The following ASMTL variants were observed in gnomAD, a reference collection of about 807,000 sequenced individuals.
ASMTL encodes probable bifunctional dTTP/UTP pyrophosphatase/methyltransferase protein.
A neutral mutation model predicts 60.3 loss-of-function variants in ASMTL; 57 were observed. The ratio of observed to expected loss-of-function variants is 0.95; its 90% CI spans 0.76 to 1.18. ASMTL has a LOEUF of 1.18. Ranked by LOEUF, ASMTL falls within the 50% of genes most tolerant of loss-of-function variation. The pLI is 0.00. For missense variants in ASMTL, 981 were observed against 852.6 expected (o/e 1.15, Z -1.88); for synonymous variants, 419 against 373.0 (o/e 1.12, Z -1.42).
At chrX:1,444,350 A>C (rs1398558876) in intron 1 of ASMTL, among the ~76,000 whole-genome samples, 3 of 151,608 alleles carry the variant, frequency 2.0e-5, no homozygotes, top group Non-Finnish European at 4.4e-5. Context: ...CTGGGATTGC[A>C]GGTGGGCGCC....
chrX:1,407,580 A>G (rs1326236069), intron 12 of ASMTL, among the ~76,000 whole-genome samples: 1 of 152,078 alleles, frequency 6.6e-6, no homozygotes, highest in East Asian at 1.9e-4. Context: ...GACAGATGAC[A>G]GGTGACGGAG....
chrX:1,436,892 C>T (rs1330685914), intron 3 of ASMTL, among the ~76,000 whole-genome samples: 1 of 152,210 alleles, frequency 6.6e-6, no homozygotes, highest in African/African-American at 2.4e-5. Flanking sequence ...GTCCTACAAC[C>T]CAGGTGGCTT....
chrX:1,447,184 A>G (rs2091245491), intron 1 of ASMTL, among the ~76,000 whole-genome samples: 1 of 152,216 alleles, frequency 6.6e-6, no homozygotes, highest in South Asian at 2.1e-4. Context: ...CACCTCCCTC[A>G]GCAGGAAGTG....
chrX:1,403,768 T>C (rs1170206077), intron 12 of ASMTL, among the ~76,000 whole-genome samples: 1 of 151,720 alleles, frequency 6.6e-6, no homozygotes, highest in African/African-American at 2.4e-5. Context: ...GATGAACAGA[T>C]GGTAGATGAT....
At chrX:1,426,344 T>G (rs2090610083) in intron 7 of ASMTL, among the ~76,000 whole-genome samples, 1 of 152,130 alleles carries the variant, frequency 6.6e-6, no homozygotes, top group South Asian at 2.1e-4. Context: ...TAACCACCTT[T>G]ATTCCTTATT....
intron 1 of ASMTL, among the ~76,000 whole-genome samples, chrX:1,444,401 G>T (rs1471987548): frequency 1.3e-4 from 20 of 151,866 alleles, no homozygotes; most frequent in Non-Finnish European, 1.5e-5. Context: ...TAGAGATGGG[G>T]TTTCACCATG....
In ASMTL at chrX:1,435,052, C is replaced by G. The variant is rs753048371; in HGVS notation, c.370G>C (p.Gly124Arg). 3.1e-6 allele frequency: 5 copies of G among 1,613,928 alleles called. No homozygotes were observed. The Admixed American group carries it at 6.7e-5, about 22-fold the overall frequency. Residue 124 changes from glycine to arginine, a missense_variant, in exon 5 of 13, where the codon GGT (glycine) becomes CGT (arginine). Transcript: ENST00000381317. ...LSGREHSVFTGVAIVHCSSKD... is the reference protein window; with the variant it reads ...LSGREHSVFTRVAIVHCSSKD... The stretch of plus-strand genomic sequence containing the variant: ...CTGGAGCAGTGGACGATCGCGACAC[C>G]TGTGAACACGCTGTGTTCTCTCCCA...
chrX:1,452,811 C>T lies in ASMTL; in HGVS notation c.30G>A (p.Leu10=). 6.3e-7 allele frequency: 1 copy of T among 1,595,866 alleles called. No homozygotes were observed. The highest frequency in any genetic ancestry group is 8.5e-7 in the Non-Finnish European group (1 of 1,177,346). ...TGGCCAGCACCACGCGCTTGTGCAG[C>T]AGCTTCCCAATCACCGGGCACAGCA... is the stretch of plus-strand genomic sequence containing the variant. MVLCPVIGK[L]LHKRVVLASA... Residue 10 remains leucine, a synonymous_variant, in exon 1 of 13, where the codon CTG becomes CTA. Transcript: ENST00000381317.
intron 5 of ASMTL, 120 bp downstream of exon 5, chrX:1,434,902 C>T (rs1240396898): frequency 1.3e-5 from 14 of 1,057,288 alleles, no homozygotes; most frequent in Non-Finnish European, 2.0e-5. Flanking sequence ...GACATAGGCA[C>T]AAACCCCTCC....
chrX:1,425,479 T>G lies in ASMTL; in HGVS notation c.1060+46A>C, dbSNP rs773415225. The G allele has an allele frequency of 8.8e-5, 140 of 1,591,698 alleles. 1 individual carries two copies. The South Asian group carries it at 1.5e-3, about 17-fold the overall frequency. ...TCCAGGTCACCTTCCCTCAGTGACT[T>G]CCACCTGCAAAGATCCTCAGAGCAA... On this transcript the variant is annotated intron_variant, in intron 8 of 12. Transcript: ENST00000381317.
intron 2 of ASMTL, among the ~76,000 whole-genome samples, chrX:1,439,455 G>T (rs1317345991): frequency 1.3e-5 from 2 of 152,198 alleles, no homozygotes; most frequent in Non-Finnish European, 2.9e-5. Flanking sequence ...TTGTTCTTCC[G>T]GGCGGCAGGT....
chrX:1,443,795 C>T (rs2091174167), intron 1 of ASMTL, among the ~76,000 whole-genome samples: 1 of 151,664 alleles, frequency 6.6e-6, no homozygotes. Flanking sequence ...CACACACCCC[C>T]ATCGTGGACA....
At chrX:1,446,821 G>C (rs1330818025) in intron 1 of ASMTL, among the ~76,000 whole-genome samples, 1 of 152,100 alleles carries the variant, frequency 6.6e-6, no homozygotes, top group African/African-American at 2.4e-5. Flanking sequence ...TTTAATAAAA[G>C]TGGGAAAACT....
At chrX:1,447,194 G>A (rs192684712) in intron 1 of ASMTL, among the ~76,000 whole-genome samples, 2 of 152,320 alleles carry the variant, frequency 1.3e-5, no homozygotes, top group East Asian at 3.9e-4. Flanking sequence ...AGCAGGAAGT[G>A]GCCAGAAAGA....
chrX:1,451,751 G>C (rs28475863), intron 1 of ASMTL, among the ~76,000 whole-genome samples: 2 of 134,504 alleles, frequency 1.5e-5, no homozygotes, highest in Non-Finnish European at 1.6e-5. Flanking sequence ...CCCTAGGGGG[G>C]TCTCGGCTTA....
intron 11 of ASMTL, 149 bp downstream of exon 11, chrX:1,417,798 TGCACACAGAGAGACACACACACACAA>T (rs2090349890): frequency 4.0e-6 from 1 of 249,238 alleles, no homozygotes; most frequent in Admixed American, 1.3e-4. Context: ...ACCACACACA[TGCACACAGAGAGACACACACACACAA>T]GCACCGTAGA....
chrX:1,418,125 A>C lies in ASMTL; in HGVS notation c.1379-9T>G. ...CAGTGCACCCGTGCAGCCTGCGGGG[A>C]AGCAAATGCATGCTCTGTGGCTGGG... On this transcript the variant is annotated splice_polypyrimidine_tract_variant and intron_variant, in intron 10 of 12. Transcript: ENST00000381317. 1.3e-6 allele frequency: 2 copies of C among 1,588,046 alleles called. No homozygotes were observed. The highest frequency in any genetic ancestry group is 1.7e-6 in the Non-Finnish European group (2 of 1,164,176).
Position 1,452,762 on chromosome X carries a change from TCTC to T in ASMTL, c.76_78del (p.Glu26del). On this transcript the variant is annotated inframe_deletion, in exon 1 of 13. Transcript: ENST00000381317. ...CCAGGCCGTACCGCGTTGCTGAGGA[TCTC>T]CTGACGGCGTGGGGAGGCGCTGGCC... The T allele has an allele frequency of 6.3e-7, 1 of 1,592,544 alleles. No homozygotes were observed. Among genetic ancestry groups the T allele is most frequent in the Non-Finnish European group, 8.5e-7 (1 of 1,175,640 alleles).
chrX:1,417,927 C>T, intron 11 of ASMTL, 46 bp downstream of exon 11: 1 of 1,564,180 alleles, frequency 6.4e-7, no homozygotes, highest in Non-Finnish European at 8.7e-7. Context: ...GAAAGAGATG[C>T]TGCAGTCTGG....
Sources: gnomAD v4.1 joint callset for allele counts (sites outside exome capture counted in the v4.1 genomes callset) on GRCh38, gnomAD v4.1.1 for gene constraint, MANE v1.5 for transcripts, NCBI Gene and HGNC (gene_info 2026-07-23, HGNC 2026-07-21) for gene names.